The following SRGAP2 variants were observed in gnomAD, a reference collection of about 807,000 sequenced individuals.
SRGAP2 encodes the protein SLIT-ROBO Rho GTPase-activating protein 2.
Under a neutral mutation model 57.2 loss-of-function variants are expected in SRGAP2, and 15 were observed. That is an observed-to-expected ratio of 0.26 (90% CI 0.18 to 0.40). The LOEUF (loss-of-function observed/expected upper bound fraction) is 0.40, where lower values mean the gene tolerates loss of function less well. Ranked by LOEUF, SRGAP2 falls within the 10% of genes least tolerant of loss-of-function variation. The pLI is 1.00. For missense variants in SRGAP2, 520 were observed against 669.6 expected (o/e 0.78, Z 2.47); for synonymous variants, 249 against 248.0 (o/e 1.00, Z -0.04).
At position 206,461,182 on chromosome 1, in the gene SRGAP2, C is replaced by A. The variant is rs1296148845; in HGVS notation, c.2978C>A (p.Ser993Tyr). ...GTGGTGGCCCCCACGTCAGAGCCCT[C>A]CAGCCCTCTGCACACCCAGCTCCTC... ...SPVVAPTSEP[S>Y]SPLHTQLLKD... is the part of the protein sequence containing the mutation. The change falls in exon 23 of 23, where the codon TCC becomes TAC. Residue 993 changes from serine (S) to tyrosine (Y), a missense_variant. By Grantham distance (144) the Ser-to-Tyr change is moderately radical. Coordinates refer to ENST00000573034, the MANE Select transcript of SRGAP2 (RefSeq NM_015326.5). 3.8e-6 allele frequency: 3 copies of A among 780,514 alleles called. No homozygotes were observed. Among genetic ancestry groups the A allele is most frequent in the Non-Finnish European group, 7.2e-6 (3 of 417,872 alleles). The allele number at this position is 780,514 out of a possible 1,614,324, so 48.3% of individuals were successfully genotyped here. A position where few individuals can be genotyped will look rare whatever the true frequency, so the allele number is the denominator to read the frequency against.
At chr1:206,370,275 A>AAATG (rs1490016546) in intron 4 of SRGAP2, among the ~76,000 whole-genome samples, 1 of 149,464 alleles carries the variant, frequency 6.7e-6, no homozygotes, top group Non-Finnish European at 1.5e-5. Flanking sequence ...CAAAATAAAT[A>AAATG]AATAAATAAA....
chr1:206,292,654 A>G (rs1318127617), intron 2 of SRGAP2, among the ~76,000 whole-genome samples: 14 of 147,190 alleles, frequency 9.5e-5, no homozygotes, highest in South Asian at 6.4e-4. Context: ...CTACTTTCCT[A>G]TCTCTCCTTG....
At chr1:206,435,477 C>T (rs1387435452) in intron 14 of SRGAP2, among the ~76,000 whole-genome samples, 3 of 152,194 alleles carry the variant, frequency 2.0e-5, no homozygotes, top group Admixed American at 6.5e-5. Context: ...TAGTCCAGTC[C>T]AACCCCTGGG....
At chr1:206,229,488 A>G (rs1667485123) in intron 2 of SRGAP2, among the ~76,000 whole-genome samples, 1 of 152,212 alleles carries the variant, frequency 6.6e-6, no homozygotes, top group Non-Finnish European at 1.5e-5. Flanking sequence ...CTGTGCCGCA[A>G]CTGAGCAGCT....
chr1:206,213,845 G>A (rs1368733644), intron 2 of SRGAP2, among the ~76,000 whole-genome samples: 2 of 151,294 alleles, frequency 1.3e-5, no homozygotes, highest in African/African-American at 4.8e-5. Context: ...CTTGAATCCA[G>A]GAGGCAGAGG....
At chr1:206,367,292 CT>C (rs1174835814) in intron 4 of SRGAP2, among the ~76,000 whole-genome samples, 22 of 152,198 alleles carry the variant, frequency 1.4e-4, no homozygotes, top group African/African-American at 2.2e-4. Context: ...TTTCTTCCCC[CT>C]ATCTTCGCTC....
chr1:206,267,196 C>G (rs1227502310), intron 2 of SRGAP2, among the ~76,000 whole-genome samples: 1 of 152,038 alleles, frequency 6.6e-6, no homozygotes, highest in Non-Finnish European at 1.5e-5. Context: ...TCTCGATCTC[C>G]TGACCTCGTG....
At chr1:206,420,303 C>T (rs1660184830) in intron 12 of SRGAP2, among the ~76,000 whole-genome samples, 1 of 152,304 alleles carries the variant, frequency 6.6e-6, no homozygotes, top group South Asian at 2.1e-4. Context: ...ATATACCAGT[C>T]TTGATGACTG....
intron 10 of SRGAP2, among the ~76,000 whole-genome samples, chr1:206,413,217 T>C (rs1287841534): frequency 4.6e-5 from 7 of 152,206 alleles, no homozygotes; most frequent in Admixed American, 1.3e-4. Flanking sequence ...AGCTTCTTGG[T>C]GAATTTTCCT....
intron 7 of SRGAP2, among the ~76,000 whole-genome samples, chr1:206,394,748 A>C (rs1657404512): frequency 2.6e-5 from 4 of 151,742 alleles, no homozygotes; most frequent in Admixed American, 1.3e-4. Context: ...TTTGCCTGTG[A>C]GTTATTCTTG....
chr1:206,461,746 G>A lies in SRGAP2; in HGVS notation c.*326G>A, dbSNP rs1664282694. The A allele has an allele frequency of 3.8e-6, 1 of 261,516 alleles. No homozygotes were observed. Among genetic ancestry groups the A allele is most frequent in the Non-Finnish European group, 7.3e-6 (1 of 136,590 alleles). 16.2% of individuals were successfully genotyped at this position (261,516 alleles called of 1,614,324 possible). A position where few individuals can be genotyped will look rare whatever the true frequency, so the allele number is the denominator to read the frequency against. The stretch of plus-strand genomic sequence containing the variant: ...CCTGAGGACATGGGCTCAAGTCTCA[G>A]TCCCCTCAGACCACGGTGATGCCTT... On this transcript the variant is annotated 3_prime_UTR_variant, in exon 23 of 23. Coordinates refer to ENST00000573034, the MANE Select transcript of SRGAP2 (RefSeq NM_015326.5).
intron 18 of SRGAP2, 83 bp from the exon 19 acceptor site, chr1:206,450,303 G>C: frequency 1.4e-6 from 1 of 730,256 alleles, no homozygotes; most frequent in Non-Finnish European, 2.6e-6. Flanking sequence ...CAGTGCCCTC[G>C]CGCCAGGGAG....
chr1:206,449,286 AT>A (rs35698284), intron 18 of SRGAP2, among the ~76,000 whole-genome samples: 23,953 of 110,422 alleles, frequency 0.22, 2,237 homozygotes, highest in African/African-American at 0.25. Context: ...ACACTGGATG[AT>A]TTTTTTTTTT....
chr1:206,397,495 A>G lies in SRGAP2; in HGVS notation c.831+3822A>G, dbSNP rs559778188. On this transcript the variant is annotated intron_variant, in intron 7 of 22. Transcript: ENST00000573034. ...CAAATGTGTGCATAAGGCATTGAGG[A>G]TAAGTGAAAAGAAGTTATTTTTGTT... 2.6e-5 allele frequency among the ~76,000 whole-genome samples: 4 copies of G among 151,908 alleles called. No homozygotes were observed. The South Asian group carries it at 8.3e-4, about 32-fold the overall frequency.
intron 2 of SRGAP2, among the ~76,000 whole-genome samples, chr1:206,231,726 CAG>C (rs768988183): frequency 4.7e-5 from 7 of 148,914 alleles, no homozygotes; most frequent in Non-Finnish European, 1.0e-4. Flanking sequence ...TTAGTAGAGA[CAG>C]AGGTTCGCCA....
chr1:206,322,930 A>C lies in SRGAP2; in HGVS notation c.260+19457A>C, dbSNP rs566979464. ...GCTGAAAGGCTAGGGAATGAGTGAA[A>C]AGAAAGCAAACACTAGGAAGAAGCT... On this transcript the variant is annotated intron_variant, in intron 3 of 22. Transcript: ENST00000573034. 4.8e-4 allele frequency among the ~76,000 whole-genome samples: 71 copies of C among 147,480 alleles called. No individual in the cohort carries two copies. The South Asian group carries it at 0.013, about 27-fold the overall frequency.
At chr1:206,440,752 G>A (rs1479071718) in intron 17 of SRGAP2, among the ~76,000 whole-genome samples, 3 of 152,138 alleles carry the variant, frequency 2.0e-5, no homozygotes, top group Admixed American at 2.0e-4. Flanking sequence ...TCACCACGTT[G>A]GCCAAGATGG....
intron 18 of SRGAP2, among the ~76,000 whole-genome samples, chr1:206,448,217 T>G (rs1558444771): frequency 1.3e-5 from 2 of 151,884 alleles, no homozygotes; most frequent in Non-Finnish European, 2.9e-5. Flanking sequence ...GAATGGAGAA[T>G]GATCAGGAGA....
intron 14 of SRGAP2, among the ~76,000 whole-genome samples, chr1:206,431,724 G>C (rs1553368367): frequency 1.3e-5 from 2 of 152,210 alleles, no homozygotes. Flanking sequence ...TCAGGTATTG[G>C]TGAATGTCAT....
Sources: allele counts gnomAD v4.1 joint callset (sites outside exome capture counted in the v4.1 genomes callset), GRCh38; gene constraint gnomAD v4.1.1; transcripts MANE v1.5; gene names NCBI Gene and HGNC (gene_info 2026-07-23, HGNC 2026-07-21).